Variants in CHD5 observed in about 807,000 individuals in gnomAD.
CHD5 encodes the protein chromodomain helicase DNA binding protein 5.
A neutral mutation model predicts 230.3 loss-of-function variants in CHD5; 69 were observed. That is an observed-to-expected ratio of 0.30 (90% CI 0.25 to 0.37). CHD5 has a LOEUF of 0.37. CHD5 is among the 10% of genes least tolerant of loss of function. CHD5 has a pLI of 1.00. For missense variants in CHD5, 1,827 were observed against 2,622.8 expected, an observed-to-expected ratio of 0.70 and a Z score of 6.63; for synonymous variants, 1,064 against 1,065.9, an observed-to-expected ratio of 1.00 and a Z score of 0.03.
intron 38 of CHD5, among the ~76,000 whole-genome samples, chr1:6,107,685 A>G: frequency 9.6e-6 from 1 of 104,700 alleles, no homozygotes; most frequent in Non-Finnish European, 1.9e-5. Flanking sequence ...GAGGGATAAT[A>G]TAGGGATGGA....
rs183382838 is a variant in CHD5, at chr1:6,141,734, C to A, written c.2436+394G>T. Among the ~76,000 whole-genome samples the A allele has an allele frequency of 3.6e-3, 548 of 152,230 alleles. 3 individuals are homozygous for A. The highest frequency in any genetic ancestry group is 0.014 in the Middle Eastern group (4 of 294). Reference sequence around the variant, plus strand: ...AGAAACAGACACAAACGGGAAAACCCCATGTGCTAACAGAGGCAGAAACTG... The same window carrying A: ...AGAAACAGACACAAACGGGAAAACCACATGTGCTAACAGAGGCAGAAACTG... On this transcript the variant is annotated intron_variant, in intron 15 of 41. Transcript: ENST00000262450.
intron 15 of CHD5, among the ~76,000 whole-genome samples, chr1:6,139,850 G>A (rs1409275609): frequency 2.6e-5 from 4 of 152,232 alleles, no homozygotes; most frequent in African/African-American, 9.6e-5. Context: ...GTGGCTCAGG[G>A]GAGGTTCTTT....
At chr1:6,144,185 T>C in intron 11 of CHD5, 30 bp from the exon 12 acceptor site, 2 of 1,613,620 alleles carry the variant, frequency 1.2e-6, no homozygotes, top group Non-Finnish European at 8.5e-7. Context: ...TGTGGGTCGC[T>C]CAGAGCAGTG....
Position 6,142,336 on chromosome 1 carries a change from G to A in CHD5, c.2236-8C>T. The stretch of plus-strand genomic sequence containing the variant: ...GGGCCCTTTGGAGTGGCCCTGGAGA[G>A]AGAGGCCGATGCCGTGAGACCACCT... On this transcript the variant is annotated splice_polypyrimidine_tract_variant and splice_region_variant and intron_variant, in intron 14 of 41. Transcript: ENST00000262450. The surrounding 1 kb of genome is among the most constrained non-coding windows in gnomAD (Gnocchi z 5.2). The A allele has an allele frequency of 1.2e-6, 2 of 1,600,504 alleles. No individual in the cohort carries two copies. Among genetic ancestry groups the A allele is most frequent in the Non-Finnish European group, 1.7e-6 (2 of 1,169,140 alleles).
intron 1 of CHD5, among the ~76,000 whole-genome samples, chr1:6,177,913 C>A (rs1054319596): frequency 6.6e-6 from 1 of 152,108 alleles, no homozygotes; most frequent in Admixed American, 6.5e-5. Flanking sequence ...TGGAGCCATG[C>A]GGGTCGGGAT....
chr1:6,147,704 C>G (rs973876003), intron 9 of CHD5, among the ~76,000 whole-genome samples: 1 of 152,186 alleles, frequency 6.6e-6, no homozygotes, highest in Non-Finnish European at 1.5e-5. Flanking sequence ...GCCTGCTTTC[C>G]CATCTGTAAA....
At chr1:6,136,153 G>T (rs12021895) in intron 17 of CHD5, among the ~76,000 whole-genome samples, 64,633 of 151,908 alleles carry the variant, frequency 0.43, 14,545 homozygotes, top group East Asian at 0.81. Context: ...TCCGGCCACC[G>T]GGGAGCTTGC....
At chr1:6,170,929 G>A (rs1229744057) in intron 1 of CHD5, among the ~76,000 whole-genome samples, 1 of 152,192 alleles carries the variant, frequency 6.6e-6, no homozygotes. Context: ...CCGGGCCTCC[G>A]CCTCCCCCGC....
intron 38 of CHD5, among the ~76,000 whole-genome samples, chr1:6,107,218 G>A (rs1234324327): frequency 6.2e-5 from 9 of 144,212 alleles, no homozygotes; most frequent in Non-Finnish European, 1.4e-4. Context: ...ATGATGGAGG[G>A]ATGGAGGGAT....
chr1:6,150,308 G>A (rs897155887), intron 7 of CHD5, among the ~76,000 whole-genome samples: 1 of 149,822 alleles, frequency 6.7e-6, no homozygotes, highest in Non-Finnish European at 1.5e-5. Flanking sequence ...TGGATGAATG[G>A]ACAAGTGGAT....
chr1:6,158,091 A>C (rs1453685611), intron 3 of CHD5, among the ~76,000 whole-genome samples: 1 of 152,200 alleles, frequency 6.6e-6, no homozygotes, highest in Non-Finnish European at 1.5e-5. Flanking sequence ...CAAAGGGAGC[A>C]CAGTGTTCCT....
intron 38 of CHD5, among the ~76,000 whole-genome samples, chr1:6,108,650 G>A (rs12724971): frequency 4.5e-4 from 66 of 145,466 alleles, no homozygotes; most frequent in Admixed American, 2.9e-3. Flanking sequence ...GAAGGACAGA[G>A]GCATGGAGGG....
In CHD5 at chr1:6,125,086, C is replaced by T; in HGVS notation, c.4394+14G>A. On this transcript the variant is annotated intron_variant, in intron 29 of 41. Transcript: ENST00000262450. This position sits in a 1 kb window ranked among gnomAD's most constrained non-coding sequence, Gnocchi z 6.7. ...CAGGTGGTCACACCCTGGGCCACCA[C>T]CTAGCCCCTTTACCTAAACTCCTTC... is the stretch of plus-strand genomic sequence containing the variant. 7.0e-6 allele frequency: 11 copies of T among 1,568,366 alleles called. No individual in the cohort carries two copies. The highest frequency in any genetic ancestry group is 9.5e-6 in the Non-Finnish European group (11 of 1,156,090).
chr1:6,136,653 G>C lies in CHD5; in HGVS notation c.2575-15C>G. 1 of 1,613,878 alleles carries C rather than the reference G, an allele frequency of 6.2e-7. No individual in the cohort carries two copies. The highest frequency in any genetic ancestry group is 8.5e-7 in the Non-Finnish European group (1 of 1,179,870). ...ACCCTAAAAAACTGAGGGGAGGAGA[G>C]TGGGGCCTGTCAGGGGGCTCTGGGC... On this transcript the variant is annotated splice_polypyrimidine_tract_variant and intron_variant, in intron 16 of 41. Coordinates refer to ENST00000262450, the MANE Select transcript of CHD5 (RefSeq NM_015557.3).
At chr1:6,139,246 GTTGT>G in intron 15 of CHD5, among the ~76,000 whole-genome samples, 1 of 152,000 alleles carries the variant, frequency 6.6e-6, no homozygotes, top group Non-Finnish European at 1.5e-5. Flanking sequence ...TGTTGTTGTT[GTTGT>G]TTTGGTTTTT....
chr1:6,104,136 G>T lies in CHD5; in HGVS notation c.*1338C>A, dbSNP rs3810987. On this transcript the variant is annotated 3_prime_UTR_variant, in exon 42 of 42. Transcript: ENST00000262450. ...ATCACACACAAACAGGCCTAGGGAGGGCCTGACCTGCTCCCCATCTCCGTC... is the reference window on the plus strand; with the variant it reads ...ATCACACACAAACAGGCCTAGGGAGTGCCTGACCTGCTCCCCATCTCCGTC... 1.3e-5 allele frequency: 2 copies of T among 152,186 alleles called. No individual in the cohort carries two copies. Among genetic ancestry groups the T allele is most frequent in the African/African-American group, 4.8e-5 (2 of 41,416 alleles). 9.4% of individuals were successfully genotyped at this position (152,186 alleles called of 1,614,324 possible).
intron 1 of CHD5, among the ~76,000 whole-genome samples, chr1:6,175,752 G>A (rs1397590116): frequency 6.6e-6 from 1 of 151,240 alleles, no homozygotes; most frequent in African/African-American, 2.4e-5. Flanking sequence ...ATAGGTGGAT[G>A]GTGAATGGTT....
chr1:6,173,563 C>G (rs1203118745), intron 1 of CHD5, among the ~76,000 whole-genome samples: 1 of 152,180 alleles, frequency 6.6e-6, no homozygotes, highest in Non-Finnish European at 1.5e-5. Context: ...CACTGAGCCT[C>G]TCTCTTCATC....
In CHD5 at chr1:6,121,920, C is replaced by A. The variant is rs1032328390; in HGVS notation, c.4700-347G>T. Among the ~76,000 whole-genome samples, 1 of 152,208 alleles carries A rather than the reference C, an allele frequency of 6.6e-6. No homozygotes were observed. Among genetic ancestry groups the A allele is most frequent in the African/African-American group, 2.4e-5 (1 of 41,464 alleles). ...ACCCGCTCTGGTCCCAGCTTTCGGG[C>A]GGGCTGGCTGGTGTGTGCCTCTGGA... On this transcript the variant is annotated intron_variant, in intron 31 of 41. Transcript: ENST00000262450. This position sits in a 1 kb window ranked among gnomAD's most constrained non-coding sequence, Gnocchi z 4.5.
Sources: gnomAD v4.1 joint callset for allele counts (sites outside exome capture counted in the v4.1 genomes callset) on GRCh38, gnomAD v4.1.1 for gene constraint, Gnocchi (gnomAD v3.1) non-coding constraint, MANE v1.5 for transcripts, NCBI Gene and HGNC (gene_info 2026-07-23, HGNC 2026-07-21) for gene names.